The following NUFIP2 variants were observed in gnomAD, a reference collection of about 807,000 sequenced individuals.
NUFIP2 encodes the protein nuclear FMR1 interacting protein 2.
A neutral mutation model predicts 56.9 loss-of-function variants in NUFIP2; 6 were observed. The ratio of observed to expected loss-of-function variants is 0.11; its 90% CI spans 0.06 to 0.21. The LOEUF is 0.21. NUFIP2 is among the 10% of genes least tolerant of loss of function. The pLI is 1.00. For synonymous variants in NUFIP2, 321 were observed against 298.2 expected, an observed-to-expected ratio of 1.08 and a Z score of -0.79; for missense variants, 828 against 826.8, an observed-to-expected ratio of 1.00 and a Z score of -0.02.
chr17:29,293,049 C>G (rs918576391), intron 1 of NUFIP2, among the ~76,000 whole-genome samples: 4 of 151,724 alleles, frequency 2.6e-5, no homozygotes, highest in African/African-American at 9.7e-5. Context: ...CAGGAATCGG[C>G]TTCCAACATG....
chr17:29,267,462 T>C (rs755687817), intron 3 of NUFIP2, 36 bp downstream of exon 3: 2 of 1,202,396 alleles, frequency 1.7e-6, no homozygotes, highest in Admixed American at 4.1e-5. Context: ...AGTGGTTACT[T>C]ATTAGTGACA....
chr17:29,281,709 A>G (rs1443482882), intron 2 of NUFIP2, among the ~76,000 whole-genome samples: 1 of 142,034 alleles, frequency 7.0e-6, no homozygotes, highest in African/African-American at 2.6e-5. Context: ...AAAAAAAAAA[A>G]CAGCTAAAAG....
rs2069007734 is a variant in NUFIP2 at position 29,262,241 on chromosome 17, A to G, written c.*2298T>C. On this transcript the variant is annotated 3_prime_UTR_variant, in exon 4 of 4. Transcript: ENST00000225388. ...GGCAAGCAAAATGGACATTTAAAAA[A>G]GGGGACTAGAGAGGGGAATCTGGCC... 6.6e-6 allele frequency: 1 copy of G among 152,630 alleles called. No individual in the cohort carries two copies. The highest frequency in any genetic ancestry group is 1.5e-5 in the Non-Finnish European group (1 of 68,036). The allele number at this position is 152,630 out of a possible 1,614,324, so 9.5% of individuals were successfully genotyped here. A position where few individuals can be genotyped will look rare whatever the true frequency, so the allele number is the denominator to read the frequency against.
In NUFIP2 at chr17:29,267,825, C is replaced by CT. The variant is rs550656005; in HGVS notation, c.2003-296dup. Among the ~76,000 whole-genome samples the CT allele has an allele frequency of 3.9e-5, 6 of 152,140 alleles. No homozygotes were observed. The East Asian group carries it at 9.7e-4, about 25-fold the overall frequency. On this transcript the variant is annotated intron_variant, in intron 2 of 3. Coordinates refer to ENST00000225388, the MANE Select transcript of NUFIP2 (RefSeq NM_020772.3). Reference sequence around the variant, plus strand: ...ATGCCATCACACCCAGCTAATTTTTCTTTTTTTCTTTGGTAGAGATGGAGT... The same window carrying CT: ...ATGCCATCACACCCAGCTAATTTTTCTTTTTTTTCTTTGGTAGAGATGGAGT...
At chr17:29,271,138 A>G (rs1367160356) in intron 2 of NUFIP2, among the ~76,000 whole-genome samples, 1 of 152,214 alleles carries the variant, frequency 6.6e-6, no homozygotes, top group Non-Finnish European at 1.5e-5. Context: ...CTTAAATGTG[A>G]GCTCTAGAGT....
In NUFIP2 at chr17:29,287,160, G is replaced by A. The variant is rs193257245; in HGVS notation, c.834C>T (p.Pro278=). ...QKGNRVDGSK[P]IWKYETGPGG... is the part of the protein sequence containing the mutation. Reference sequence around the variant, plus strand: ...CAGGCCCAGTTTCATACTTCCAAATGGGCTTCGAACCATCTACTCGATTTC... The same window carrying A: ...CAGGCCCAGTTTCATACTTCCAAATAGGCTTCGAACCATCTACTCGATTTC... The change falls in exon 2 of 4, where the codon CCC becomes CCT. Residue 278 remains proline (P), a synonymous_variant. Transcript: ENST00000225388. 1.2e-6 allele frequency: 2 copies of A among 1,614,092 alleles called. No individual in the cohort carries two copies. The highest frequency in any genetic ancestry group is 2.2e-5 in the East Asian group (1 of 44,878).
intron 2 of NUFIP2, 43 bp downstream of exon 2, chr17:29,285,949 A>T (rs1372652358): frequency 6.3e-6 from 9 of 1,436,392 alleles, no homozygotes; most frequent in Non-Finnish European, 7.6e-6. Context: ...CAATATACTA[A>T]ATTGGCCAAT....
rs578205601 is a variant in NUFIP2 at position 29,259,200 on chromosome 17, T to A, written c.*5339A>T. 5.9e-5 allele frequency: 9 copies of A among 152,346 alleles called. No individual in the cohort carries two copies. Among genetic ancestry groups the A allele is most frequent in the African/African-American group, 2.2e-4 (9 of 41,574 alleles). 9.4% of individuals were successfully genotyped at this position (152,346 alleles called of 1,614,324 possible). On this transcript the variant is annotated 3_prime_UTR_variant, in exon 4 of 4. Transcript: ENST00000225388. ...ATTTGCCCTCAAGTTAATTTGTTGG[T>A]CTGAAGAGTACAACAACTTTGATAT... is the stretch of plus-strand genomic sequence containing the variant.
chr17:29,265,428 G>A (rs1350057960), intron 3 of NUFIP2, among the ~76,000 whole-genome samples: 6 of 144,664 alleles, frequency 4.1e-5, no homozygotes, highest in South Asian at 2.2e-4. Flanking sequence ...TCAGCCTCCC[G>A]AGTAGCTGGG....
chr17:29,265,404 G>T (rs1243921144), intron 3 of NUFIP2, among the ~76,000 whole-genome samples: 1 of 145,612 alleles, frequency 6.9e-6, no homozygotes, highest in East Asian at 2.0e-4. Context: ...CCGGGTTCAC[G>T]CCATTCTCCT....
At chr17:29,285,602 CACAAA>C (rs895191924) in intron 2 of NUFIP2, among the ~76,000 whole-genome samples, 1 of 151,724 alleles carries the variant, frequency 6.6e-6, no homozygotes, top group Non-Finnish European at 1.5e-5. Flanking sequence ...AGAAAAAAAA[CACAAA>C]ACAAAACAAA....
At position 29,263,239 on chromosome 17, in the gene NUFIP2, C is replaced by T. The variant is rs1290363737; in HGVS notation, c.*1300G>A. On this transcript the variant is annotated 3_prime_UTR_variant, in exon 4 of 4. Transcript: ENST00000225388. ...TTTATTTTAGCATGCTATACACAAG[C>T]TGCAGTGCAACAGGATGGCAATGTA... is the stretch of plus-strand genomic sequence containing the variant. The T allele has an allele frequency of 6.6e-6, 1 of 152,586 alleles. No homozygotes were observed. The highest frequency in any genetic ancestry group is 1.5e-5 in the Non-Finnish European group (1 of 68,018). The allele number at this position is 152,586 out of a possible 1,614,324, so 9.5% of individuals were successfully genotyped here.
Position 29,256,547 on chromosome 17 carries a change from T to C in NUFIP2, c.*7992A>G, listed in dbSNP as rs771582446. 1 of 152,138 alleles carries C rather than the reference T, an allele frequency of 6.6e-6. No homozygotes were observed. The highest frequency in any genetic ancestry group is 1.5e-5 in the Non-Finnish European group (1 of 68,020). The allele number at this position is 152,138 out of a possible 1,614,324, so 9.4% of individuals were successfully genotyped here. On this transcript the variant is annotated 3_prime_UTR_variant, in exon 4 of 4. Coordinates refer to ENST00000225388, the MANE Select transcript of NUFIP2 (RefSeq NM_020772.3). Reference sequence around the variant, plus strand: ...TGAAGAAGTAACCCTCTTCTGTATATTGAAAAAGCTATAAAATGGAAATAT... The same window carrying C: ...TGAAGAAGTAACCCTCTTCTGTATACTGAAAAAGCTATAAAATGGAAATAT...
chr17:29,276,094 T>A (rs1176130368), intron 2 of NUFIP2, among the ~76,000 whole-genome samples: 1 of 151,116 alleles, frequency 6.6e-6, no homozygotes, highest in African/African-American at 2.4e-5. Context: ...GGATTCTCAC[T>A]GCCTACAGCA....
chr17:29,292,633 G>A (rs2069222810), intron 1 of NUFIP2, among the ~76,000 whole-genome samples: 1 of 148,232 alleles, frequency 6.7e-6, no homozygotes, highest in South Asian at 2.1e-4. Flanking sequence ...GCCTCTAGGA[G>A]CGCCGCGGCC....
At chr17:29,292,616 G>A (rs1331041219) in intron 1 of NUFIP2, among the ~76,000 whole-genome samples, 1 of 148,532 alleles carries the variant, frequency 6.7e-6, no homozygotes, top group Non-Finnish European at 1.5e-5. Flanking sequence ...GCCCCCCCAG[G>A]CCTCCTGCCT....
chr17:29,291,460 C>T (rs1382243773), intron 1 of NUFIP2, among the ~76,000 whole-genome samples: 1 of 152,174 alleles, frequency 6.6e-6, no homozygotes, highest in Non-Finnish European at 1.5e-5. Context: ...TAGCATTATG[C>T]ATGTCAAAGC....
At chr17:29,285,873 A>ATT in intron 2 of NUFIP2, 119 bp downstream of exon 2, 1 of 762,578 alleles carries the variant, frequency 1.3e-6, no homozygotes, top group Middle Eastern at 3.5e-4. Flanking sequence ...GCTTATCCAC[A>ATT]TTGTCATTCT....
At chr17:29,271,811 C>T (rs182872898) in intron 2 of NUFIP2, among the ~76,000 whole-genome samples, 2 of 152,092 alleles carry the variant, frequency 1.3e-5, no homozygotes, top group East Asian at 1.9e-4. Flanking sequence ...TGGCTCTCAC[C>T]TGTAATCCCA....
Sources: allele counts gnomAD v4.1 joint callset (sites outside exome capture counted in the v4.1 genomes callset), GRCh38; gene constraint gnomAD v4.1.1; transcripts MANE v1.5; gene names NCBI Gene and HGNC (gene_info 2026-07-23, HGNC 2026-07-21).